The following PRKG1 variants were observed in gnomAD, a reference collection of about 807,000 sequenced individuals.
PRKG1 encodes the protein protein kinase cGMP-dependent 1.
A neutral mutation model predicts 88.1 loss-of-function variants in PRKG1; 35 were observed. That is an observed-to-expected ratio of 0.40 (90% CI 0.30 to 0.53). The LOEUF is 0.53. Ranked by LOEUF, PRKG1 falls within the 20% of genes least tolerant of loss-of-function variation. The probability of loss-of-function intolerance (pLI) is 0.59; values close to 1 mark genes in which losing one functional copy is unlikely to be tolerated. For missense variants in PRKG1, 540 were observed against 839.8 expected, an observed-to-expected ratio of 0.64 and a Z score of 4.41; for synonymous variants, 303 against 292.5, an observed-to-expected ratio of 1.04 and a Z score of -0.37.
At chr10:51,778,650 G>T (rs1053918395) in intron 3 of PRKG1, among the ~76,000 whole-genome samples, 1 of 152,222 alleles carries the variant, frequency 6.6e-6, no homozygotes, top group Middle Eastern at 3.4e-3. Flanking sequence ...TCCATTTTCT[G>T]AACCTTCTGT....
At chr10:50,995,032 C>T (rs1842824231) in intron 1 of PRKG1, among the ~76,000 whole-genome samples, 1 of 152,112 alleles carries the variant, frequency 6.6e-6, no homozygotes, top group East Asian at 1.9e-4. Context: ...TTTTGGTATC[C>T]TCGGAGGTCC....
intron 3 of PRKG1, among the ~76,000 whole-genome samples, chr10:51,745,871 G>T (rs1264110867): frequency 6.6e-6 from 1 of 151,982 alleles, no homozygotes; most frequent in Non-Finnish European, 1.5e-5. Flanking sequence ...ATACACAGGG[G>T]TCTCATGATG....
intron 2 of PRKG1, among the ~76,000 whole-genome samples, chr10:51,418,023 T>C (rs930211942): frequency 6.6e-6 from 1 of 152,210 alleles, no homozygotes; most frequent in African/African-American, 2.4e-5. Flanking sequence ...TCTGTCTTCC[T>C]TACCCTTCGC....
chr10:51,879,145 G>T (rs1841375412), intron 4 of PRKG1, among the ~76,000 whole-genome samples: 1 of 152,152 alleles, frequency 6.6e-6, no homozygotes, highest in Non-Finnish European at 1.5e-5. Flanking sequence ...TTTGTTTTTG[G>T]CTGTAATCAT....
chr10:52,243,235 G>A (rs1436274154), intron 9 of PRKG1, among the ~76,000 whole-genome samples: 3 of 152,146 alleles, frequency 2.0e-5, no homozygotes, highest in Non-Finnish European at 4.4e-5. Context: ...ACTGAAATGT[G>A]TAGTAAAAGA....
chr10:52,244,454 T>C (rs1840950756), intron 9 of PRKG1, among the ~76,000 whole-genome samples: 1 of 151,712 alleles, frequency 6.6e-6, no homozygotes, highest in Admixed American at 6.6e-5. Context: ...GTGTCTAAGC[T>C]TATTTAATTT....
chr10:52,108,140 T>A (rs540936078), intron 7 of PRKG1, among the ~76,000 whole-genome samples: 3 of 152,182 alleles, frequency 2.0e-5, no homozygotes, highest in Non-Finnish European at 4.4e-5. Flanking sequence ...ATCTCAAAAC[T>A]GTTTTGGAGA....
intron 3 of PRKG1, among the ~76,000 whole-genome samples, chr10:51,475,152 C>T (rs1445901845): frequency 1.3e-5 from 2 of 151,960 alleles, no homozygotes; most frequent in Non-Finnish European, 2.9e-5. Context: ...CTCCTTTACT[C>T]CTTCTGCTCC....
At chr10:51,623,326 A>G (rs1341852697) in intron 3 of PRKG1, among the ~76,000 whole-genome samples, 4 of 152,106 alleles carry the variant, frequency 2.6e-5, no homozygotes, top group African/African-American at 7.2e-5. Context: ...TCAGCCTCCC[A>G]AGTAGCTGGG....
At chr10:51,045,587 T>G (rs975560423) in intron 1 of PRKG1, among the ~76,000 whole-genome samples, 2 of 152,150 alleles carry the variant, frequency 1.3e-5, no homozygotes, top group Admixed American at 6.6e-5. Flanking sequence ...TGAAAATATT[T>G]TAAAGTTGTA....
chr10:52,222,468 T>C (rs1160801293), intron 9 of PRKG1, among the ~76,000 whole-genome samples: 1 of 152,184 alleles, frequency 6.6e-6, no homozygotes, highest in Non-Finnish European at 1.5e-5. Flanking sequence ...TGTTTCTCAA[T>C]GCAATTCTTC....
chr10:52,221,420 C>G (rs747084759), intron 9 of PRKG1, among the ~76,000 whole-genome samples: 1 of 152,026 alleles, frequency 6.6e-6, no homozygotes, highest in Non-Finnish European at 1.5e-5. Context: ...AAAACTAAGT[C>G]AACACGTCTT....
intron 1 of PRKG1, among the ~76,000 whole-genome samples, chr10:51,135,412 A>T (rs571098093): frequency 2.6e-5 from 4 of 152,292 alleles, no homozygotes; most frequent in Non-Finnish European, 4.4e-5. Flanking sequence ...TAGAATTCTG[A>T]TGGGTATGAA....
At chr10:51,932,436 A>T (rs1842714007) in intron 5 of PRKG1, among the ~76,000 whole-genome samples, 1 of 152,010 alleles carries the variant, frequency 6.6e-6, no homozygotes, top group Admixed American at 6.6e-5. Flanking sequence ...TCTTTGGACA[A>T]CTCTATGAAG....
At chr10:51,179,328 G>T (rs1299148500) in intron 2 of PRKG1, among the ~76,000 whole-genome samples, 1 of 152,180 alleles carries the variant, frequency 6.6e-6, no homozygotes, top group African/African-American at 2.4e-5. Context: ...TTTTTAAAAT[G>T]GATTATATAG....
At chr10:51,374,093 A>AAAATATATATATATATATATAT in intron 2 of PRKG1, among the ~76,000 whole-genome samples, 12 of 100,172 alleles carry the variant, frequency 1.2e-4, no homozygotes, top group South Asian at 4.3e-4. Context: ...AAAAAAAAAA[A>AAAATATATATATATATATATAT]ATATATATAT....
At chr10:51,538,813 A>G (rs916739699) in intron 3 of PRKG1, among the ~76,000 whole-genome samples, 4 of 152,126 alleles carry the variant, frequency 2.6e-5, no homozygotes, top group African/African-American at 9.6e-5. Flanking sequence ...AACACAGTTC[A>G]GTTTTTATCT....
intron 3 of PRKG1, among the ~76,000 whole-genome samples, chr10:51,480,372 T>C (rs1840318893): frequency 6.6e-6 from 1 of 152,184 alleles, no homozygotes; most frequent in South Asian, 2.1e-4. Context: ...TCCTACGCCT[T>C]ATCTATAAGA....
chr10:52,038,238 G>T (rs777536697), intron 5 of PRKG1, among the ~76,000 whole-genome samples: 78 of 151,960 alleles, frequency 5.1e-4, no homozygotes, highest in Non-Finnish European at 9.6e-4. Context: ...GTGGAAGGTT[G>T]CCTATAGTGA....
Sources: gnomAD v4.1 joint callset for allele counts (sites outside exome capture counted in the v4.1 genomes callset) on GRCh38, gnomAD v4.1.1 for gene constraint, MANE v1.5 for transcripts, NCBI Gene and HGNC (gene_info 2026-07-23, HGNC 2026-07-21) for gene names.